CEP192: variants seen among roughly 807,000 people sequenced by gnomAD.
CEP192 encodes centrosomal protein of 192 kDa.
In CEP192, 151 loss-of-function variants were observed where a neutral mutation model predicts 271.8. That is an observed-to-expected ratio of 0.56 (90% confidence interval 0.49 to 0.64). CEP192 has a LOEUF of 0.64. CEP192 is among the 30% of genes least tolerant of loss of function. The pLI is 0.00. For missense variants in CEP192, 2,910 were observed against 3,020.5 expected (o/e 0.96, Z 0.86); for synonymous variants, 995 against 1,076.5 (o/e 0.92, Z 1.48).
chr18:13,022,440 A>G (rs2035046342), intron 9 of CEP192, among the ~76,000 whole-genome samples: 1 of 151,926 alleles, frequency 6.6e-6, no homozygotes, highest in African/African-American at 2.4e-5. Context: ...GAGTGCAGTA[A>G]CATGATTTTG....
intron 1 of CEP192, among the ~76,000 whole-genome samples, chr18:12,997,824 A>G (rs1252854942): frequency 6.6e-6 from 1 of 152,124 alleles, no homozygotes; most frequent in Non-Finnish European, 1.5e-5. Flanking sequence ...TCGCAGATTT[A>G]GGTGATTCTC....
At chr18:13,118,726 T>A (rs34368700) in intron 44 of CEP192, among the ~76,000 whole-genome samples, 185 of 152,228 alleles carry the variant, frequency 1.2e-3, no homozygotes, top group Non-Finnish European at 2.3e-3. Context: ...TGCTAGCTAC[T>A]GACAGCATAG....
At chr18:13,021,619 A>G (rs898984177) in intron 9 of CEP192, among the ~76,000 whole-genome samples, 4 of 152,306 alleles carry the variant, frequency 2.6e-5, no homozygotes, top group African/African-American at 7.2e-5. Context: ...GAATTTGAAG[A>G]TCAGCTTTTC....
chr18:13,123,319 C>A (rs73419545), intron 44 of CEP192, among the ~76,000 whole-genome samples: 3 of 152,122 alleles, frequency 2.0e-5, no homozygotes, highest in African/African-American at 7.2e-5. Context: ...GAAAATAACC[C>A]AGACTTTAAA....
At chr18:13,068,028 A>G (rs1209720513) in intron 22 of CEP192, 66 bp from the exon 23 acceptor site, 3 of 1,601,790 alleles carry the variant, frequency 1.9e-6, no homozygotes, top group Non-Finnish European at 2.6e-6. Context: ...TTTTTTAAGG[A>G]TTTTGTTAGC....
chr18:13,048,738 T>C (rs1457117681), intron 15 of CEP192, 121 bp from the exon 16 acceptor site: 68 of 654,754 alleles, frequency 1.0e-4, no homozygotes, highest in Non-Finnish European at 1.6e-5. Context: ...TTTGGTACTA[T>C]CTGAGGTTTC....
chr18:13,080,746 C>A (rs2038558887), intron 30 of CEP192, among the ~76,000 whole-genome samples: 1 of 152,150 alleles, frequency 6.6e-6, no homozygotes, highest in South Asian at 2.1e-4. Context: ...CCAGTTTTTG[C>A]CCATTCACTA....
intron 1 of CEP192, 140 bp from the exon 2 acceptor site, chr18:12,999,281 A>C: frequency 3.4e-6 from 2 of 585,566 alleles, no homozygotes; most frequent in Non-Finnish European, 5.8e-6. Flanking sequence ...ACCTCAGACT[A>C]TTTGCCTATT....
chr18:13,049,024 A>G lies in CEP192; in HGVS notation c.2233A>G (p.Thr745Ala). 2 of 1,614,142 alleles carry G rather than the reference A, an allele frequency of 1.2e-6. No individual in the cohort carries two copies. Among genetic ancestry groups the G allele is most frequent in the Non-Finnish European group, 1.7e-6 (2 of 1,180,014 alleles). ...AATGATCAAGGCACTTTCAAATAAA[A>G]CCAGAGACAAGACTTTTCAGGAAGA... ...AAMIKALSNKTRDKTFQEDEK... is the reference protein window; with the variant it reads ...AAMIKALSNKARDKTFQEDEK... The change falls in exon 16 of 45, where the codon ACC (threonine) becomes GCC (alanine). Residue 745 changes from threonine (T) to alanine (A), a missense_variant. Transcript: ENST00000506447.
chr18:13,063,619 C>G (rs2037526159), intron 21 of CEP192, among the ~76,000 whole-genome samples: 1 of 152,044 alleles, frequency 6.6e-6, no homozygotes, highest in South Asian at 2.1e-4. Flanking sequence ...GGTTATGAAT[C>G]CCTTGTCAGA....
At chr18:13,055,715 C>A in intron 18 of CEP192, 65 bp from the exon 19 acceptor site, 1 of 1,142,064 alleles carries the variant, frequency 8.8e-7, no homozygotes, top group Non-Finnish European at 1.2e-6. Flanking sequence ...CTTTTGCCAG[C>A]ATGTTTCAAT....
At chr18:13,017,444 T>G in intron 7 of CEP192, 108 bp downstream of exon 7, 1 of 769,904 alleles carries the variant, frequency 1.3e-6, no homozygotes, top group South Asian at 2.8e-5. Context: ...GGACTTTTCT[T>G]TGGACTCTGT....
Position 13,114,210 on chromosome 18 carries a change from C to A in CEP192, c.7248C>A (p.Pro2416=), listed in dbSNP as rs1206717917. The A allele has an allele frequency of 6.2e-7, 1 of 1,613,848 alleles. No individual in the cohort carries two copies. The highest frequency in any genetic ancestry group is 8.5e-7 in the Non-Finnish European group (1 of 1,179,996). Residue 2416 remains proline (P), a synonymous_variant, in exon 42 of 45, where the codon CCC becomes CCA. Coordinates refer to ENST00000506447, the MANE Select transcript of CEP192 (RefSeq NM_032142.4). The part of the protein sequence containing the change: ...SLIKIDHLVK[P]RRQAVSEASA... The stretch of plus-strand genomic sequence containing the variant: ...TTAAAATAGATCATTTAGTTAAGCC[C>A]CGAAGACAAGCTGTGTCAGAGGCTT...
At chr18:13,009,255 G>C (rs2034184839) in intron 4 of CEP192, among the ~76,000 whole-genome samples, 1 of 152,040 alleles carries the variant, frequency 6.6e-6, no homozygotes, top group Non-Finnish European at 1.5e-5. Flanking sequence ...TTATAGGAAA[G>C]GTCTCCTCTT....
rs778725607 is a variant in CEP192 at position 13,059,130 on chromosome 18, A to G, written c.4306A>G (p.Ile1436Val). 24 of 1,614,044 alleles carry G rather than the reference A, an allele frequency of 1.5e-5. No homozygotes were observed. The highest frequency in any genetic ancestry group is 1.6e-4 in the Middle Eastern group (1 of 6,084). ...RCLVFKNKAI[I>V]RPHATEEIKV... ...TTTAGTTTTCAAGAATAAAGCCATCATAAGACCTCATGCCACAGAAGAGAT... is the reference window on the plus strand; with the variant it reads ...TTTAGTTTTCAAGAATAAAGCCATCGTAAGACCTCATGCCACAGAAGAGAT... The change falls in exon 21 of 45, where the codon ATA (isoleucine) becomes GTA (valine). Residue 1436 changes from isoleucine (I) to valine (V), a missense_variant. Coordinates refer to ENST00000506447, the MANE Select transcript of CEP192 (RefSeq NM_032142.4).
At chr18:13,000,112 T>C (rs1218688667) in intron 2 of CEP192, among the ~76,000 whole-genome samples, 1 of 130,336 alleles carries the variant, frequency 7.7e-6, no homozygotes, top group Non-Finnish European at 1.6e-5. Flanking sequence ...TTTTTTTTTT[T>C]TTTTTTGCTA....
intron 6 of CEP192, among the ~76,000 whole-genome samples, chr18:13,016,043 G>A (rs1456023974): frequency 1.3e-5 from 2 of 152,286 alleles, no homozygotes; most frequent in African/African-American, 2.4e-5. Flanking sequence ...ATCGCGCCTG[G>A]CCAGAACCAT....
At chr18:13,100,055 G>GA (rs1293954731) in intron 37 of CEP192, among the ~76,000 whole-genome samples, 14 of 152,182 alleles carry the variant, frequency 9.2e-5, no homozygotes, top group African/African-American at 3.4e-4. Flanking sequence ...TTCTCTTGGG[G>GA]AATGGGTGTG....
chr18:13,028,198 T>C (rs932069910), intron 9 of CEP192, among the ~76,000 whole-genome samples: 4 of 152,210 alleles, frequency 2.6e-5, no homozygotes, highest in African/African-American at 9.6e-5. Context: ...TGTCTTTGTC[T>C]AAAATTTTCT....
Sources: allele counts gnomAD v4.1 joint callset (sites outside exome capture counted in the v4.1 genomes callset), GRCh38; gene constraint gnomAD v4.1.1; transcripts MANE v1.5; gene names NCBI Gene and HGNC (gene_info 2026-07-23, HGNC 2026-07-21).